The following EPB41L4B variants were observed in gnomAD, a reference collection of about 807,000 sequenced individuals.
EPB41L4B encodes the protein erythrocyte membrane protein band 4.1 like 4B, also known as band 4.1-like protein 4B.
EPB41L4B carries 30 observed loss-of-function variants against 112.5 expected under a neutral mutation model. That is an observed-to-expected ratio of 0.27 (90% CI 0.20 to 0.36). The LOEUF is 0.36. Ranked by LOEUF, EPB41L4B falls within the 10% of genes least tolerant of loss-of-function variation. The pLI, the probability that EPB41L4B is intolerant of heterozygous loss-of-function variation, is 1.00. For missense variants in EPB41L4B, 1,024 were observed against 1,133.3 expected, an observed-to-expected ratio of 0.90 and a Z score of 1.38; for synonymous variants, 408 against 439.7, an observed-to-expected ratio of 0.93 and a Z score of 0.90.
Position 109,176,040 on chromosome 9 carries a change from TCACACACACGCACACACACA to T in EPB41L4B, c.2633+491_2633+510del, listed in dbSNP as rs1216772664. On this transcript the variant is annotated intron_variant, in intron 25 of 25. Coordinates refer to ENST00000374566, the MANE Select transcript of EPB41L4B (RefSeq NM_019114.5). ...TTTTCCTCCCTATCCCTTGTCAATA[TCACACACACGCACACACACA>T]CACACACACACACACACACACACAC... Among the ~76,000 whole-genome samples, 212 of 43,482 alleles carry T rather than the reference TCACACACACGCACACACACA, an allele frequency of 4.9e-3. 3 individuals carry two copies. The highest frequency in any genetic ancestry group is 0.021 in the African/African-American group (194 of 9,378). The allele number at this position is 43,482 out of a possible 152,430, so 28.5% of individuals were successfully genotyped here. A position where few individuals can be genotyped will look rare whatever the true frequency, so the allele number is the denominator to read the frequency against.
chr9:109,290,556 A>G (rs1453195527), intron 1 of EPB41L4B, among the ~76,000 whole-genome samples: 2 of 152,066 alleles, frequency 1.3e-5, no homozygotes, highest in African/African-American at 4.8e-5. Context: ...ACCTGGGATC[A>G]GCAGTTGGCT....
At chr9:109,288,046 A>T (rs1012344777) in intron 1 of EPB41L4B, among the ~76,000 whole-genome samples, 1 of 152,226 alleles carries the variant, frequency 6.6e-6, no homozygotes, top group Non-Finnish European at 1.5e-5. Context: ...CGTCCCTCCA[A>T]ATTCATACAT....
At chr9:109,299,394 G>A (rs925517357) in intron 1 of EPB41L4B, among the ~76,000 whole-genome samples, 1 of 152,052 alleles carries the variant, frequency 6.6e-6, no homozygotes, top group South Asian at 2.1e-4. Flanking sequence ...TCCCACCTCA[G>A]CCTCCTGAGC....
At chr9:109,258,385 T>C in intron 6 of EPB41L4B, 88 bp from the exon 7 acceptor site, 2 of 1,460,060 alleles carry the variant, frequency 1.4e-6, no homozygotes, top group Non-Finnish European at 9.5e-7. Context: ...TTTTGCATCA[T>C]TATAAAGCAC....
intron 1 of EPB41L4B, among the ~76,000 whole-genome samples, chr9:109,286,175 G>T (rs1334699367): frequency 6.6e-6 from 1 of 150,800 alleles, no homozygotes; most frequent in Non-Finnish European, 1.5e-5. Context: ...GTGGATGGAT[G>T]GATGGATGGA....
At position 109,172,432 on chromosome 9, in the gene EPB41L4B, T is replaced by C. The variant is rs1831663811; in HGVS notation, c.*2122A>G. 1 of 152,118 alleles carries C rather than the reference T, an allele frequency of 6.6e-6. No individual in the cohort carries two copies. Among genetic ancestry groups the C allele is most frequent in the Non-Finnish European group, 1.5e-5 (1 of 68,030 alleles). 9.4% of individuals were successfully genotyped at this position (152,118 alleles called of 1,614,324 possible). A position where few individuals can be genotyped will look rare whatever the true frequency, so the allele number is the denominator to read the frequency against. On this transcript the variant is annotated 3_prime_UTR_variant, in exon 26 of 26. Transcript: ENST00000374566. ...AACAGCTAAAGCTGTTTTAAAAGTA[T>C]AGCCGGGGGACATAGGGGTAAAAGG... is the stretch of plus-strand genomic sequence containing the variant.
intron 13 of EPB41L4B, 91 bp downstream of exon 13, chr9:109,251,390 T>C (rs942363918): frequency 2.4e-6 from 3 of 1,274,180 alleles, no homozygotes; most frequent in African/African-American, 2.9e-5. Context: ...ACACACTTCC[T>C]GATTTCACTG....
At chr9:109,175,513 A>ACACG (rs1491205014) in intron 25 of EPB41L4B, among the ~76,000 whole-genome samples, 3 of 146,318 alleles carry the variant, frequency 2.1e-5, no homozygotes, top group Non-Finnish European at 3.0e-5. Context: ...ACACACACAC[A>ACACG]GAGTAAATAC....
At chr9:109,251,811 A>C (rs963717726) in intron 12 of EPB41L4B, among the ~76,000 whole-genome samples, 2 of 152,224 alleles carry the variant, frequency 1.3e-5, no homozygotes, top group African/African-American at 4.8e-5. Flanking sequence ...AGAGAAAGGC[A>C]GATACAGAGA....
intron 22 of EPB41L4B, among the ~76,000 whole-genome samples, chr9:109,189,626 TTA>T (rs748156129): frequency 2.0e-5 from 3 of 152,122 alleles, no homozygotes; most frequent in Non-Finnish European, 4.4e-5. Context: ...CTTTTTCTTT[TTA>T]TTTATTTATT....
chr9:109,176,050 G>GCACACACACACA (rs58215877), intron 25 of EPB41L4B, among the ~76,000 whole-genome samples: 3 of 32,926 alleles, frequency 9.1e-5, no homozygotes, highest in East Asian at 8.6e-4. Context: ...TCACACACAC[G>GCACACACACACA]CACACACACA....
intron 17 of EPB41L4B, among the ~76,000 whole-genome samples, chr9:109,213,252 T>C (rs1434885683): frequency 6.6e-6 from 1 of 152,176 alleles, no homozygotes; most frequent in South Asian, 2.1e-4. Flanking sequence ...TAAGAATAGG[T>C]CTAGTCAAAA....
At chr9:109,265,252 A>G (rs932192479) in intron 4 of EPB41L4B, among the ~76,000 whole-genome samples, 3 of 152,198 alleles carry the variant, frequency 2.0e-5, no homozygotes, top group African/African-American at 4.8e-5. Context: ...CTCGCAAGAT[A>G]CTTGTAGGAT....
intron 2 of EPB41L4B, among the ~76,000 whole-genome samples, chr9:109,279,240 G>A (rs1024974057): frequency 1.3e-5 from 2 of 151,126 alleles, no homozygotes; most frequent in Non-Finnish European, 2.9e-5. Context: ...CTGTCACCCA[G>A]GCTGGAATAC....
At chr9:109,279,076 C>T (rs1039539593) in intron 2 of EPB41L4B, among the ~76,000 whole-genome samples, 2 of 152,200 alleles carry the variant, frequency 1.3e-5, no homozygotes, top group African/African-American at 4.8e-5. Flanking sequence ...GCCTGGCTGG[C>T]ATTCAGCTCC....
At chr9:109,320,081 A>G in intron 1 of EPB41L4B, 60 bp downstream of exon 1, 1 of 1,305,046 alleles carries the variant, frequency 7.7e-7, no homozygotes, top group Non-Finnish European at 9.9e-7. Context: ...GCACTGGGGG[A>G]GGGGGAGCTG....
intron 22 of EPB41L4B, among the ~76,000 whole-genome samples, chr9:109,189,016 C>T (rs530544941): frequency 2.0e-5 from 3 of 152,164 alleles, no homozygotes; most frequent in South Asian, 4.1e-4. Context: ...ATGTACCCTC[C>T]CCCAACTCCC....
chr9:109,227,252 T>C (rs1172369649), intron 15 of EPB41L4B, among the ~76,000 whole-genome samples: 2 of 152,152 alleles, frequency 1.3e-5, no homozygotes, highest in Non-Finnish European at 2.9e-5. Context: ...CTTTCTCACA[T>C]CATTCTTTTT....
intron 15 of EPB41L4B, chr9:109,240,367 T>C (rs1189238442): frequency 1.0e-5 from 10 of 985,334 alleles, no homozygotes; most frequent in African/African-American, 1.7e-5. Context: ...TGATACCTTC[T>C]TGCTGAATAG....
Sources: gnomAD v4.1 joint callset for allele counts (sites outside exome capture counted in the v4.1 genomes callset) on GRCh38, gnomAD v4.1.1 for gene constraint, MANE v1.5 for transcripts, NCBI Gene and HGNC (gene_info 2026-07-23, HGNC 2026-07-21) for gene names.